The following AP4E1 variants were observed in gnomAD, a reference collection of about 807,000 sequenced individuals.
AP4E1 encodes AP-4 complex subunit epsilon-1.
A neutral mutation model predicts 128.2 loss-of-function variants in AP4E1; 56 were observed. The ratio of observed to expected loss-of-function variants is 0.44; its 90% CI spans 0.35 to 0.55. The LOEUF is 0.55. Ranked by LOEUF, AP4E1 falls within the 20% of genes least tolerant of loss-of-function variation. The pLI is 0.00. For missense variants in AP4E1, 1,324 were observed against 1,307.7 expected, an observed-to-expected ratio of 1.01 and a Z score of -0.19; for synonymous variants, 484 against 473.1, an observed-to-expected ratio of 1.02 and a Z score of -0.30.
chr15:50,924,014 T>C lies in AP4E1; in HGVS notation c.420+10T>C, dbSNP rs1225049967. The C allele has an allele frequency of 6.3e-6, 10 of 1,591,864 alleles. No homozygotes were observed. The highest frequency in any genetic ancestry group is 7.8e-6 in the Non-Finnish European group (9 of 1,160,268). On this transcript the variant is annotated intron_variant, in intron 4 of 20. Coordinates refer to ENST00000261842, the MANE Select transcript of AP4E1 (RefSeq NM_007347.5). ...GAATACAGTTGTAAAGGTATTGTAT[T>C]GTATGTTGGTTAATATGAAGTCATA...
At chr15:50,978,953 GAT>G (rs1166943234) in intron 15 of AP4E1, among the ~76,000 whole-genome samples, 1 of 152,050 alleles carries the variant, frequency 6.6e-6, no homozygotes, top group Non-Finnish European at 1.5e-5. Flanking sequence ...CCCTTCCTTA[GAT>G]GATAATCTTA....
chr15:50,915,642 T>A, intron 3 of AP4E1, 71 bp downstream of exon 3: 1 of 1,495,550 alleles, frequency 6.7e-7, no homozygotes, highest in Non-Finnish European at 9.3e-7. Flanking sequence ...ACAAAATGAA[T>A]GATGGCATGT....
chr15:50,920,439 C>T (rs1408141690), intron 3 of AP4E1, among the ~76,000 whole-genome samples: 5 of 133,532 alleles, frequency 3.7e-5, no homozygotes, highest in Non-Finnish European at 6.3e-5. Flanking sequence ...GAGACAGAGT[C>T]TCTGTCACCT....
chr15:50,979,134 T>G (rs1349224990), intron 15 of AP4E1, among the ~76,000 whole-genome samples: 2 of 152,062 alleles, frequency 1.3e-5, no homozygotes, highest in African/African-American at 4.8e-5. Context: ...AAACATTTCT[T>G]GAGGTATTCA....
chr15:50,948,063 C>T lies in AP4E1; in HGVS notation c.1220C>T (p.Thr407Ile), dbSNP rs2064087079. The T allele has an allele frequency of 6.2e-7, 1 of 1,610,608 alleles. No homozygotes were observed. The highest frequency in any genetic ancestry group is 8.5e-7 in the Non-Finnish European group (1 of 1,177,038). The change falls in exon 11 of 21, where the codon ACA becomes ATA. Residue 407 changes from threonine (T) to isoleucine (I), a missense_variant. Physicochemically the swap from Thr to Ile is moderately conservative, Grantham distance 89 (BLOSUM62 -1). Transcript: ENST00000261842. ...AGAATTACTAATGCACAGAATATAA[C>T]AGTTATTGTCCAGAAAATGCTTGAA... is the stretch of plus-strand genomic sequence containing the variant. ...LYRITNAQNITVIVQKMLEYL... is the reference protein window; with the variant it reads ...LYRITNAQNIIVIVQKMLEYL...
chr15:50,915,703 A>G lies in AP4E1; in HGVS notation c.346+132A>G, dbSNP rs542108781. 5 of 1,129,708 alleles carry G rather than the reference A, an allele frequency of 4.4e-6. No homozygotes were observed. The East Asian group carries it at 7.8e-5, about 18-fold the overall frequency. 70.0% of individuals were successfully genotyped at this position (1,129,708 alleles called of 1,614,324 possible). A position where few individuals can be genotyped will look rare whatever the true frequency, so the allele number is the denominator to read the frequency against. On this transcript the variant is annotated intron_variant, in intron 3 of 20. Transcript: ENST00000261842. The stretch of plus-strand genomic sequence containing the variant: ...ATTATAATTTCTAAAACTTTAAAAG[A>G]TCACACTTCAGAAAGTCAAAGCCAT...
chr15:50,966,075 G>C (rs1240390440), intron 14 of AP4E1, among the ~76,000 whole-genome samples: 1 of 151,960 alleles, frequency 6.6e-6, no homozygotes, highest in Admixed American at 6.6e-5. Flanking sequence ...GCGCCACCAC[G>C]CCTGGCTAAT....
At chr15:50,928,164 C>G (rs2063790461) in intron 5 of AP4E1, among the ~76,000 whole-genome samples, 1 of 152,124 alleles carries the variant, frequency 6.6e-6, no homozygotes, top group Non-Finnish European at 1.5e-5. Context: ...CCATGTGTGT[C>G]CTTGTATTCC....
At chr15:50,964,144 G>A (rs140608012) in intron 14 of AP4E1, among the ~76,000 whole-genome samples, 1 of 152,064 alleles carries the variant, frequency 6.6e-6, no homozygotes, top group Non-Finnish European at 1.5e-5. Context: ...TCAAATATTT[G>A]TTTGCTTTAT....
At chr15:50,922,690 T>C (rs373481349) in intron 3 of AP4E1, among the ~76,000 whole-genome samples, 23 of 152,188 alleles carry the variant, frequency 1.5e-4, no homozygotes, top group East Asian at 9.7e-4. Context: ...TATGGGGGTT[T>C]AAAATATGGA....
At chr15:50,942,602 G>A (rs1479526152) in intron 10 of AP4E1, among the ~76,000 whole-genome samples, 14 of 147,756 alleles carry the variant, frequency 9.5e-5, no homozygotes, top group Middle Eastern at 3.6e-3. Context: ...ATATATGTCT[G>A]TATATTATAT....
In AP4E1 at chr15:51,002,561, C is replaced by T. The variant is rs1313275799; in HGVS notation, c.3313C>T (p.Arg1105Ter). Residue 1105 changes from arginine to a stop codon, truncating the protein, a stop_gained, in exon 21 of 21, where the codon CGA becomes TGA. Coordinates refer to ENST00000261842, the MANE Select transcript of AP4E1 (RefSeq NM_007347.5). LOFTEE classifies it high-confidence loss of function. ...LPSIPCLLHCRVHADVLALWF... is the reference protein window; with the variant it reads ...LPSIPCLLHC ...ATCCATCCCCTGCTTACTGCATTGC[C>T]GAGTTCATGCAGATGTATTAGCCCT... is the stretch of plus-strand genomic sequence containing the variant. The T allele has an allele frequency of 1.9e-6, 3 of 1,614,124 alleles. No homozygotes were observed. Among genetic ancestry groups the T allele is most frequent in the Middle Eastern group, 1.7e-4 (1 of 6,060 alleles).
intron 20 of AP4E1, among the ~76,000 whole-genome samples, chr15:51,001,659 A>T (rs1340315568): frequency 6.6e-6 from 1 of 152,154 alleles, no homozygotes; most frequent in African/African-American, 2.4e-5. Context: ...AATATCTTCA[A>T]GGTTGATCCA....
At chr15:50,971,999 GT>G (rs1208063073) in intron 15 of AP4E1, among the ~76,000 whole-genome samples, 1 of 151,890 alleles carries the variant, frequency 6.6e-6, no homozygotes, top group African/African-American at 2.4e-5. Context: ...TTTTCCTTTG[GT>G]AGTGACATGT....
chr15:50,996,367 A>G (rs531605412), intron 17 of AP4E1, among the ~76,000 whole-genome samples: 1 of 152,000 alleles, frequency 6.6e-6, no homozygotes, highest in Non-Finnish European at 1.5e-5. Context: ...ATTAGTAACT[A>G]TCGAAAATAA....
chr15:50,926,076 G>A (rs572534927), intron 5 of AP4E1, among the ~76,000 whole-genome samples: 1 of 151,486 alleles, frequency 6.6e-6, no homozygotes, highest in African/African-American at 2.4e-5. Context: ...ACTTTTCACT[G>A]TATTTGAATT....
intron 3 of AP4E1, among the ~76,000 whole-genome samples, chr15:50,916,421 G>A (rs888349895): frequency 6.6e-6 from 1 of 152,094 alleles, no homozygotes; most frequent in Admixed American, 6.5e-5. Context: ...AGGGCTGTTA[G>A]GAAAAATTCT....
rs996212639 is a variant in AP4E1, at chr15:50,933,460, A to G, written c.870-1164A>G. 2.6e-5 allele frequency among the ~76,000 whole-genome samples: 4 copies of G among 152,272 alleles called. No homozygotes were observed. The South Asian group carries it at 8.3e-4, about 32-fold the overall frequency. On this transcript the variant is annotated intron_variant, in intron 7 of 20. Coordinates refer to ENST00000261842, the MANE Select transcript of AP4E1 (RefSeq NM_007347.5). Reference sequence around the variant, plus strand: ...GTGCTTCTTAGATTTATTAAGATTTATCTTGATCTTGTTCACAAATGTTTC... The same window carrying G: ...GTGCTTCTTAGATTTATTAAGATTTGTCTTGATCTTGTTCACAAATGTTTC...
At chr15:50,992,370 A>G (rs1453871585) in intron 16 of AP4E1, among the ~76,000 whole-genome samples, 1 of 152,140 alleles carries the variant, frequency 6.6e-6, no homozygotes, top group Non-Finnish European at 1.5e-5. Flanking sequence ...CCATTTTTCA[A>G]GGGTCATTGG....
Sources: allele counts gnomAD v4.1 joint callset (sites outside exome capture counted in the v4.1 genomes callset), GRCh38; gene constraint gnomAD v4.1.1; transcripts MANE v1.5; gene names NCBI Gene and HGNC (gene_info 2026-07-23, HGNC 2026-07-21).